The following CEP83 variants were observed in gnomAD, a reference collection of about 807,000 sequenced individuals.
CEP83 encodes centrosomal protein of 83 kDa.
A neutral mutation model predicts 101.9 loss-of-function variants in CEP83; 70 were observed. That is an observed-to-expected ratio of 0.69 (90% CI 0.57 to 0.84). CEP83 has a LOEUF of 0.84. Ranked by LOEUF, CEP83 falls within the 40% of genes least tolerant of loss-of-function variation. The pLI is 0.00. For synonymous variants in CEP83, 264 were observed against 267.9 expected (o/e 0.99, Z 0.14); for missense variants, 715 against 787.2 (o/e 0.91, Z 1.10).
chr12:94,345,687 C>G (rs1317424533), intron 11 of CEP83, among the ~76,000 whole-genome samples: 1 of 152,210 alleles, frequency 6.6e-6, no homozygotes, highest in African/African-American at 2.4e-5. Context: ...ACCCGCATTT[C>G]TGAAGGGGTC....
Position 94,378,941 on chromosome 12 carries a change from T to A in CEP83, c.651A>T (p.Lys217Asn), listed in dbSNP as rs765179906. 6.2e-7 allele frequency: 1 copy of A among 1,614,090 alleles called. No homozygotes were observed. Among genetic ancestry groups the A allele is most frequent in the South Asian group, 1.1e-5 (1 of 91,076 alleles). The change falls in exon 7 of 17, where the codon AAA becomes AAT. Residue 217 changes from lysine to asparagine, a missense_variant. By Grantham distance (94) the Lys-to-Asn change is moderately conservative (BLOSUM62 0). Transcript: ENST00000397809. ...SKRVEQLAREKVYLCQKLKGL... is the reference protein window; with the variant it reads ...SKRVEQLARENVYLCQKLKGL... The stretch of plus-strand genomic sequence containing the variant: ...CTTTTAATTTTTGACACAAATAGAC[T>A]TTTTCTCGAGCAAGTTGTTCCACTC...
At chr12:94,456,376 C>T (rs1721340992) in intron 1 of CEP83, among the ~76,000 whole-genome samples, 1 of 152,174 alleles carries the variant, frequency 6.6e-6, no homozygotes, top group Admixed American at 6.5e-5. Flanking sequence ...CTTCTCTCAA[C>T]AACCTTACTT....
chr12:94,336,450 A>G (rs2059451265), intron 11 of CEP83, among the ~76,000 whole-genome samples: 1 of 152,210 alleles, frequency 6.6e-6, no homozygotes, highest in Non-Finnish European at 1.5e-5. Context: ...AGCATGTCTT[A>G]TCTGCCCAAG....
chr12:94,344,831 A>G (rs549126332), intron 11 of CEP83, among the ~76,000 whole-genome samples: 3 of 152,344 alleles, frequency 2.0e-5, no homozygotes, highest in South Asian at 2.1e-4. Context: ...TAAAAAATTA[A>G]TATTTGAAAG....
At chr12:94,292,289 G>C in the CEP83 span, among the ~76,000 whole-genome samples, 1 of 152,180 alleles carries the variant, frequency 6.6e-6, no homozygotes, top group Admixed American at 6.5e-5. Context: ...TCTGGATGAA[G>C]ATGGGGTGGT....
intron 6 of CEP83, among the ~76,000 whole-genome samples, chr12:94,389,121 T>C (rs2062353928): frequency 6.6e-6 from 1 of 152,156 alleles, no homozygotes; most frequent in South Asian, 2.1e-4. Flanking sequence ...AGTAAGACTT[T>C]GTCTTAAAAA....
At chr12:94,454,758 G>A (rs1319731697) in intron 1 of CEP83, among the ~76,000 whole-genome samples, 9 of 151,106 alleles carry the variant, frequency 6.0e-5, no homozygotes, top group South Asian at 4.3e-4. Context: ...TGAAGCCAGC[G>A]AGACCACGAA....
chr12:94,334,874 A>ATG (rs2059387558), intron 12 of CEP83, among the ~76,000 whole-genome samples: 1 of 152,192 alleles, frequency 6.6e-6, no homozygotes, highest in African/African-American at 2.4e-5. Context: ...ATACCTCTCC[A>ATG]TATGCATAGC....
chr12:94,437,175 C>G (rs1414581301), intron 1 of CEP83, among the ~76,000 whole-genome samples: 4 of 150,142 alleles, frequency 2.7e-5, no homozygotes, highest in African/African-American at 9.8e-5. Context: ...GAAACCCCAA[C>G]TAAACTAAAA....
chr12:94,314,057 A>C (rs796823099), intron 14 of CEP83, among the ~76,000 whole-genome samples: 8 of 152,334 alleles, frequency 5.3e-5, no homozygotes, highest in African/African-American at 1.9e-4. Context: ...GGTTTCATTA[A>C]ACAATACGGA....
intron 14 of CEP83, among the ~76,000 whole-genome samples, chr12:94,321,674 G>C (rs375230975): frequency 2.0e-5 from 3 of 151,762 alleles, no homozygotes; most frequent in Non-Finnish European, 4.4e-5. Context: ...TTGGGCATCC[G>C]TACCAGCCCC....
intron 6 of CEP83, among the ~76,000 whole-genome samples, chr12:94,397,230 G>A (rs1395263693): frequency 6.6e-6 from 1 of 152,208 alleles, no homozygotes; most frequent in Non-Finnish European, 1.5e-5. Flanking sequence ...AGATGTGGTA[G>A]CTCACCACCT....
In CEP83 at chr12:94,403,216, T is replaced by C. The variant is rs1205231538; in HGVS notation, c.371A>G (p.Gln124Arg). Reference sequence around the variant, plus strand: ...TTCTCTCATTGGAGTTTCTAATTCTTGTTGTATTTGGGCTCTTAGCAATTC... The same window carrying C: ...TTCTCTCATTGGAGTTTCTAATTCTCGTTGTATTTGGGCTCTTAGCAATTC... Reference protein sequence around the residue: ...KLELLRAQIQQELETPMRERF... With the variant: ...KLELLRAQIQRELETPMRERF... The change falls in exon 5 of 17, where the codon CAA (glutamine) becomes CGA (arginine). Residue 124 changes from glutamine to arginine, a missense_variant. Coordinates refer to ENST00000397809, the MANE Select transcript of CEP83 (RefSeq NM_016122.3). The C allele has an allele frequency of 1.1e-5, 18 of 1,585,996 alleles. No individual in the cohort carries two copies. Among genetic ancestry groups the C allele is most frequent in the Non-Finnish European group, 1.6e-5 (18 of 1,155,268 alleles).
intron 1 of CEP83, among the ~76,000 whole-genome samples, chr12:94,449,838 T>A (rs1027147712): frequency 8.9e-5 from 13 of 146,736 alleles, no homozygotes; most frequent in African/African-American, 3.2e-4. Context: ...GTGTGATCTG[T>A]CCCAGGAATA....
At chr12:94,385,462 G>A (rs1566050376) in intron 6 of CEP83, among the ~76,000 whole-genome samples, 2 of 152,134 alleles carry the variant, frequency 1.3e-5, no homozygotes, top group South Asian at 2.1e-4. Context: ...GTGACAGCAT[G>A]GCAGAGGATG....
intron 2 of CEP83, among the ~76,000 whole-genome samples, chr12:94,422,804 A>G (rs1413865863): frequency 3.9e-5 from 6 of 152,360 alleles, no homozygotes; most frequent in Non-Finnish European, 8.8e-5. Flanking sequence ...TTTTAAGGCT[A>G]AATAGCATTT....
rs541760638 is a variant in CEP83 at position 94,326,549 on chromosome 12, A to G, written c.1707+5151T>C. The stretch of plus-strand genomic sequence containing the variant: ...CTGGTTGGTATCCAGAGAACAAAGA[A>G]ATGATTGCTGGTATTGGAAAACACC... On this transcript the variant is annotated intron_variant, in intron 14 of 16. Transcript: ENST00000397809. Among the ~76,000 whole-genome samples, 5 of 152,312 alleles carry G rather than the reference A, an allele frequency of 3.3e-5. No homozygotes were observed. The South Asian group carries it at 1.0e-3, about 32-fold the overall frequency.
the CEP83 span, among the ~76,000 whole-genome samples, chr12:94,271,317 A>C: frequency 6.6e-6 from 1 of 152,232 alleles, no homozygotes; most frequent in Non-Finnish European, 1.5e-5. Context: ...TTATTAGCCA[A>C]GAATATGGTT....
downstream of CEP83, chr12:94,307,568 A>G (rs1182424988): frequency 1.3e-5 from 2 of 152,122 alleles, no homozygotes; most frequent in Non-Finnish European, 2.9e-5. Context: ...CCTTTTCTGT[A>G]TTAGGATTTA....
Sources: gnomAD v4.1 joint callset for allele counts (sites outside exome capture counted in the v4.1 genomes callset) on GRCh38, gnomAD v4.1.1 for gene constraint, MANE v1.5 for transcripts, NCBI Gene and HGNC (gene_info 2026-07-23, HGNC 2026-07-21) for gene names.